FAM135B: variants seen among roughly 807,000 people sequenced by gnomAD.
The protein encoded by FAM135B is protein FAM135B.
Under a neutral mutation model 127.7 loss-of-function variants are expected in FAM135B, and 43 were observed. That is an observed-to-expected ratio of 0.34 (90% CI 0.26 to 0.43). The LOEUF is 0.43. FAM135B is among the 20% of genes least tolerant of loss of function. FAM135B has a pLI of 1.00. For synonymous variants in FAM135B, 670 were observed against 665.1 expected (o/e 1.01, Z -0.11); for missense variants, 1,558 against 1,725.6 (o/e 0.90, Z 1.72).
chr8:138,418,704 G>A (rs140804272), intron 1 of FAM135B, among the ~76,000 whole-genome samples: 5 of 152,056 alleles, frequency 3.3e-5, no homozygotes, highest in Non-Finnish European at 5.9e-5. Context: ...GCTAAGCTTC[G>A]TAAATGAAGG....
intron 3 of FAM135B, among the ~76,000 whole-genome samples, chr8:138,288,868 C>A (rs566714719): frequency 1.4e-3 from 211 of 152,306 alleles, no homozygotes; most frequent in Non-Finnish European, 2.3e-3. Context: ...GATGATCTAA[C>A]TTGCTGAGCT....
chr8:138,133,740 C>T (rs763204096), intron 19 of FAM135B, among the ~76,000 whole-genome samples: 5 of 152,132 alleles, frequency 3.3e-5, no homozygotes, highest in African/African-American at 1.2e-4. Context: ...TCTCATGCCA[C>T]GTGAAGGAAC....
intron 3 of FAM135B, among the ~76,000 whole-genome samples, chr8:138,282,646 A>T (rs1824350948): frequency 6.6e-6 from 1 of 152,196 alleles, no homozygotes; most frequent in African/African-American, 2.4e-5. Flanking sequence ...CACACCTATT[A>T]GAGTGGCTAA....
intron 3 of FAM135B, among the ~76,000 whole-genome samples, chr8:138,271,010 C>T (rs929175911): frequency 6.6e-6 from 1 of 152,114 alleles, no homozygotes; most frequent in African/African-American, 2.4e-5. Context: ...AATGAGATGC[C>T]CCAGCAGCAA....
intron 1 of FAM135B, among the ~76,000 whole-genome samples, chr8:138,394,585 GTGGTGGT>G (rs1174775501): frequency 2.0e-5 from 3 of 152,178 alleles, no homozygotes; most frequent in African/African-American, 7.2e-5. Flanking sequence ...TATTCTACCT[GTGGTGGT>G]CTCATTTCAC....
intron 1 of FAM135B, among the ~76,000 whole-genome samples, chr8:138,410,848 GACAA>G (rs1222938811): frequency 9.2e-5 from 14 of 152,140 alleles, no homozygotes; most frequent in Admixed American, 5.2e-4. Flanking sequence ...GCCAACAACA[GACAA>G]ACAGAGAGCC....
chr8:138,452,386 G>T (rs1836543548), intron 1 of FAM135B, among the ~76,000 whole-genome samples: 1 of 152,000 alleles, frequency 6.6e-6, no homozygotes, highest in Non-Finnish European at 1.5e-5. Context: ...CTCCCAAAGT[G>T]CTGGGATTAC....
At chr8:138,429,426 G>C (rs367677835) in intron 1 of FAM135B, among the ~76,000 whole-genome samples, 1 of 152,110 alleles carries the variant, frequency 6.6e-6, no homozygotes. Context: ...AAAAATGTGG[G>C]ACGTGTCTGA....
At chr8:138,453,466 C>T (rs575800079) in intron 1 of FAM135B, among the ~76,000 whole-genome samples, 6 of 150,936 alleles carry the variant, frequency 4.0e-5, no homozygotes, top group East Asian at 1.9e-4. Flanking sequence ...ATCTTCATGA[C>T]GTAAGAGAAG....
At chr8:138,175,382 C>T (rs938508201) in intron 11 of FAM135B, among the ~76,000 whole-genome samples, 2 of 152,090 alleles carry the variant, frequency 1.3e-5, no homozygotes, top group Non-Finnish European at 2.9e-5. Context: ...ATTCTGTCTA[C>T]CTAAACAATA....
chr8:138,445,049 C>A (rs1428664080), intron 1 of FAM135B, among the ~76,000 whole-genome samples: 7 of 152,148 alleles, frequency 4.6e-5, no homozygotes, highest in Non-Finnish European at 8.8e-5. Flanking sequence ...ACTAGAAAAT[C>A]TAGAAGAAAT....
intron 3 of FAM135B, among the ~76,000 whole-genome samples, chr8:138,302,712 C>G (rs12680916): frequency 3.3e-5 from 5 of 152,182 alleles, no homozygotes; most frequent in African/African-American, 7.2e-5. Context: ...GGGCCTCCCC[C>G]CTCCCAAGCC....
chr8:138,440,732 A>G (rs1267197107), intron 1 of FAM135B: 2 of 152,192 alleles, frequency 1.3e-5, no homozygotes, highest in East Asian at 3.9e-4. Context: ...GGCAAGATCA[A>G]TTTAAAATCT....
intron 1 of FAM135B, among the ~76,000 whole-genome samples, chr8:138,443,752 T>A (rs1221155292): frequency 6.6e-6 from 1 of 151,948 alleles, no homozygotes; most frequent in African/African-American, 2.4e-5. Flanking sequence ...AAGACGCAGG[T>A]TATATGCCAG....
chr8:138,351,544 C>T (rs948763352), intron 2 of FAM135B, among the ~76,000 whole-genome samples: 2 of 152,136 alleles, frequency 1.3e-5, no homozygotes, highest in African/African-American at 4.8e-5. Flanking sequence ...ATGCCACTTA[C>T]ACCTTGATTT....
intron 1 of FAM135B, among the ~76,000 whole-genome samples, chr8:138,491,070 A>G (rs1815173491): frequency 6.7e-6 from 1 of 148,798 alleles, no homozygotes. Context: ...CAACCCAGGA[A>G]GTGGAGGTTG....
At position 138,250,976 on chromosome 8, in the gene FAM135B, C is replaced by T. The variant is rs1320311202; in HGVS notation, c.407G>A (p.Arg136Gln). The T allele has an allele frequency of 5.0e-6, 8 of 1,613,832 alleles. No individual in the cohort carries two copies. Among genetic ancestry groups the T allele is most frequent in the African/African-American group, 1.3e-5 (1 of 74,862 alleles). The change falls in exon 6 of 20, where the codon CGA becomes CAA. Residue 136 changes from arginine to glutamine, a missense_variant. Coordinates refer to ENST00000395297, the MANE Select transcript of FAM135B (RefSeq NM_015912.4). ...DVAGAPMVSS[R>Q]TLGLHFHPRN... ...GGGGTGGAAGTGCAGGCCAAGCGTT[C>T]GGCTGCTGACCATCGGTGCCCCAGC...
chr8:138,398,098 C>T (rs1281837509), intron 1 of FAM135B, among the ~76,000 whole-genome samples: 3 of 152,202 alleles, frequency 2.0e-5, no homozygotes, highest in African/African-American at 7.2e-5. Flanking sequence ...GGTCCTGCAT[C>T]CTGGCTCGTC....
chr8:138,171,203 C>T (rs1006725430), intron 11 of FAM135B, among the ~76,000 whole-genome samples: 1 of 152,160 alleles, frequency 6.6e-6, no homozygotes, highest in African/African-American at 2.4e-5. Flanking sequence ...CCATGTATAT[C>T]CTATGGGTTC....
Sources: gnomAD v4.1 joint callset for allele counts (sites outside exome capture counted in the v4.1 genomes callset) on GRCh38, gnomAD v4.1.1 for gene constraint, MANE v1.5 for transcripts, NCBI Gene and HGNC (gene_info 2026-07-23, HGNC 2026-07-21) for gene names.